Variants in NRG3 observed in about 807,000 individuals in gnomAD.
NRG3 encodes the protein neuregulin 3, also known as pro-neuregulin-3, membrane-bound isoform.
Under a neutral mutation model 66.9 loss-of-function variants are expected in NRG3, and 31 were observed. That is an observed-to-expected ratio of 0.46 (90% CI 0.35 to 0.63). The LOEUF is 0.63. NRG3 is among the 20% of genes least tolerant of loss of function. The pLI, the probability that NRG3 is intolerant of heterozygous loss-of-function variation, is 0.00. For synonymous variants in NRG3, 393 were observed against 359.4 expected, an observed-to-expected ratio of 1.09 and a Z score of -1.06; for missense variants, 910 against 878.9, an observed-to-expected ratio of 1.04 and a Z score of -0.45.
intron 2 of NRG3, among the ~76,000 whole-genome samples, chr10:82,657,996 A>T (rs1044201731): frequency 6.6e-6 from 1 of 152,090 alleles, no homozygotes; most frequent in South Asian, 2.1e-4. Flanking sequence ...ATCTGATTCT[A>T]CACAAACTCT....
chr10:82,957,315 C>T (rs1464819679), intron 5 of NRG3, among the ~76,000 whole-genome samples: 1 of 151,802 alleles, frequency 6.6e-6, no homozygotes, highest in African/African-American at 2.4e-5. Context: ...GGATTCAAAT[C>T]CCAGTCCCTG....
At chr10:82,720,805 T>TTTTATATATATATATA (rs2057251997) in intron 2 of NRG3, among the ~76,000 whole-genome samples, 1 of 63,504 alleles carries the variant, frequency 1.6e-5, no homozygotes, top group African/African-American at 7.3e-5. Flanking sequence ...TAGGAGTATT[T>TTTTATATATATATATA]TATACATATA....
intron 8 of NRG3, among the ~76,000 whole-genome samples, chr10:82,981,304 C>G (rs926740168): frequency 4.6e-5 from 7 of 152,200 alleles, no homozygotes; most frequent in Non-Finnish European, 2.9e-5. Flanking sequence ...TGCCTGGCCA[C>G]AGGTATTTTC....
intron 1 of NRG3, among the ~76,000 whole-genome samples, chr10:82,205,908 C>T (rs2075095449): frequency 6.6e-6 from 1 of 152,178 alleles, no homozygotes; most frequent in Non-Finnish European, 1.5e-5. Flanking sequence ...TAATCCAAGT[C>T]AGTTCCCAAT....
intron 1 of NRG3, among the ~76,000 whole-genome samples, chr10:82,071,245 A>G (rs1316038579): frequency 6.6e-6 from 1 of 152,166 alleles, no homozygotes; most frequent in African/African-American, 2.4e-5. Flanking sequence ...CATACTAGAG[A>G]ACCAAATGAT....
chr10:82,186,472 C>T (rs1030164073), intron 1 of NRG3, among the ~76,000 whole-genome samples: 4 of 152,164 alleles, frequency 2.6e-5, no homozygotes, highest in African/African-American at 9.6e-5. Context: ...CACTGAGGTC[C>T]ACTTCCACTA....
chr10:82,939,367 G>A (rs1334099764), intron 4 of NRG3, among the ~76,000 whole-genome samples: 1 of 152,162 alleles, frequency 6.6e-6, no homozygotes, highest in South Asian at 2.1e-4. Context: ...AGCATTTTGC[G>A]TAGAAATAAG....
chr10:82,064,184 A>G (rs1469767054), intron 1 of NRG3, among the ~76,000 whole-genome samples: 1 of 152,190 alleles, frequency 6.6e-6, no homozygotes, highest in Non-Finnish European at 1.5e-5. Flanking sequence ...CCAAGAGTCA[A>G]AATAACTCTG....
intron 4 of NRG3, among the ~76,000 whole-genome samples, chr10:82,912,345 A>G (rs1564624639): frequency 6.6e-6 from 1 of 152,186 alleles, no homozygotes; most frequent in Non-Finnish European, 1.5e-5. Flanking sequence ...CAGGCATCAT[A>G]CATTTTAAAA....
intron 1 of NRG3, among the ~76,000 whole-genome samples, chr10:82,140,717 G>A (rs562089686): frequency 6.6e-6 from 1 of 152,004 alleles, no homozygotes; most frequent in East Asian, 1.9e-4. Context: ...GCAACGGAAG[G>A]AGACCCCGTC....
intron 1 of NRG3, among the ~76,000 whole-genome samples, chr10:82,230,631 G>T (rs1381067467): frequency 1.3e-5 from 2 of 151,686 alleles, no homozygotes; most frequent in Non-Finnish European, 2.9e-5. Flanking sequence ...TACAGCAAAA[G>T]AACTGTTGAT....
chr10:82,646,779 G>A (rs2050966668), intron 2 of NRG3, among the ~76,000 whole-genome samples: 1 of 152,086 alleles, frequency 6.6e-6, no homozygotes, highest in Non-Finnish European at 1.5e-5. Context: ...ATCAGACCAT[G>A]TGATTGGGCC....
At chr10:81,976,249 A>G (rs1284504708) in intron 1 of NRG3, among the ~76,000 whole-genome samples, 1 of 152,140 alleles carries the variant, frequency 6.6e-6, no homozygotes, top group Non-Finnish European at 1.5e-5. Flanking sequence ...GGCCCCCAAA[A>G]GAGAGAGAAA....
At chr10:82,298,648 AC>A (rs766051896) in intron 1 of NRG3, among the ~76,000 whole-genome samples, 48 of 152,186 alleles carry the variant, frequency 3.2e-4, no homozygotes, top group Non-Finnish European at 6.3e-4. Flanking sequence ...TTAAAAAAAA[AC>A]CTTACCTCTT....
intron 2 of NRG3, among the ~76,000 whole-genome samples, chr10:82,528,658 G>A (rs1846953858): frequency 6.6e-6 from 1 of 151,956 alleles, no homozygotes; most frequent in Non-Finnish European, 1.5e-5. Context: ...TTTTTTGATT[G>A]CTTGTGGCCT....
At chr10:82,720,754 A>G (rs1284752169) in intron 2 of NRG3, among the ~76,000 whole-genome samples, 1 of 149,268 alleles carries the variant, frequency 6.7e-6, no homozygotes, top group Non-Finnish European at 1.5e-5. Context: ...TCTTTCTGAT[A>G]GCACTCCCTG....
chr10:82,415,866 G>C (rs1001585544), intron 2 of NRG3, among the ~76,000 whole-genome samples: 1 of 152,072 alleles, frequency 6.6e-6, no homozygotes, highest in Non-Finnish European at 1.5e-5. Context: ...AAGATGTTCA[G>C]GTAATTTGTG....
intron 4 of NRG3, among the ~76,000 whole-genome samples, chr10:82,920,537 T>C (rs1041855773): frequency 5.3e-5 from 8 of 152,116 alleles, no homozygotes; most frequent in Non-Finnish European, 8.8e-5. Flanking sequence ...TGAGAGAGCC[T>C]AGAAGCAACG....
At chr10:82,637,527 A>G (rs1026030680) in intron 2 of NRG3, among the ~76,000 whole-genome samples, 4 of 152,196 alleles carry the variant, frequency 2.6e-5, no homozygotes, top group African/African-American at 7.2e-5. Flanking sequence ...GTCAAGTCCC[A>G]TAGGATATAA....
Sources: allele counts gnomAD v4.1 joint callset (sites outside exome capture counted in the v4.1 genomes callset), GRCh38; gene constraint gnomAD v4.1.1; transcripts MANE v1.5; gene names NCBI Gene and HGNC (gene_info 2026-07-23, HGNC 2026-07-21).